Variants in RIMS2 observed in about 807,000 individuals in gnomAD.
RIMS2 encodes the protein regulating synaptic membrane exocytosis protein 2.
A neutral mutation model predicts 174.4 loss-of-function variants in RIMS2; 59 were observed. That is an observed-to-expected ratio of 0.34 (90% CI 0.27 to 0.42). The LOEUF is 0.42. RIMS2 is among the 10% of genes least tolerant of loss of function. RIMS2 has a pLI of 1.00. For synonymous variants in RIMS2, 606 were observed against 572.5 expected (o/e 1.06, Z -0.84); for missense variants, 1,620 against 1,666.3 (o/e 0.97, Z 0.48).
intron 19 of RIMS2, among the ~76,000 whole-genome samples, chr8:104,151,517 C>T (rs148793973): frequency 7.2e-5 from 11 of 151,958 alleles, no homozygotes; most frequent in African/African-American, 1.2e-4. Context: ...TACAGTGAGC[C>T]GAGATTGGCT....
At chr8:103,814,782 A>C (rs560531085) in intron 3 of RIMS2, among the ~76,000 whole-genome samples, 137 of 152,204 alleles carry the variant, frequency 9.0e-4, no homozygotes, top group African/African-American at 3.2e-3. Context: ...GGGAGGCTGA[A>C]GTGAGAGGAT....
chr8:103,518,942 A>G (rs1489693378), intron 1 of RIMS2, among the ~76,000 whole-genome samples: 1 of 152,160 alleles, frequency 6.6e-6, no homozygotes, highest in Admixed American at 6.5e-5. Context: ...AATTAATTTT[A>G]TGGCTGAAGA....
At chr8:103,877,438 T>A (rs1306332346) in intron 3 of RIMS2, among the ~76,000 whole-genome samples, 1 of 152,038 alleles carries the variant, frequency 6.6e-6, no homozygotes, top group Non-Finnish European at 1.5e-5. Flanking sequence ...CCTTGTAGAT[T>A]CTGGTTATTA....
chr8:104,035,286 C>T (rs2096491086), intron 19 of RIMS2, among the ~76,000 whole-genome samples: 1 of 151,552 alleles, frequency 6.6e-6, no homozygotes, highest in Admixed American at 6.6e-5. Context: ...GCAACTAAAC[C>T]CTTTGCTGAT....
At chr8:103,529,128 T>C (rs1056017285) in intron 1 of RIMS2, among the ~76,000 whole-genome samples, 1 of 152,228 alleles carries the variant, frequency 6.6e-6, no homozygotes, top group Non-Finnish European at 1.5e-5. Flanking sequence ...GTTGGATTCC[T>C]AGGTATTTTA....
At chr8:104,028,776 T>C (rs1565923201) in intron 19 of RIMS2, among the ~76,000 whole-genome samples, 1 of 152,206 alleles carries the variant, frequency 6.6e-6, no homozygotes. Context: ...CTAGATGTCA[T>C]AGAGGTTATC....
At chr8:104,084,735 T>C (rs561026018) in intron 19 of RIMS2, among the ~76,000 whole-genome samples, 27 of 152,300 alleles carry the variant, frequency 1.8e-4, no homozygotes, top group Admixed American at 1.2e-3. Flanking sequence ...TCATGGACTA[T>C]GCCTAGTTAA....
At chr8:104,119,373 A>C (rs13439405) in intron 19 of RIMS2, among the ~76,000 whole-genome samples, 2 of 151,426 alleles carry the variant, frequency 1.3e-5, no homozygotes, top group African/African-American at 4.9e-5. Flanking sequence ...AACAAAAAAA[A>C]CAAAAAAAAC....
At chr8:103,522,420 G>A (rs948659438) in intron 1 of RIMS2, among the ~76,000 whole-genome samples, 30 of 152,138 alleles carry the variant, frequency 2.0e-4, no homozygotes, top group Admixed American at 3.9e-4. Context: ...AAAATTATTG[G>A]TCATGTTAAA....
In RIMS2 at chr8:104,141,124, A is replaced by T. The variant is rs201796508; in HGVS notation, c.3335-103792A>T. Among the ~76,000 whole-genome samples, 3 of 78,554 alleles carry T rather than the reference A, an allele frequency of 3.8e-5. No individual in the cohort carries two copies. In the Admixed American group the frequency reaches 5.1e-4, roughly 13 times the overall value. 51.5% of individuals were successfully genotyped at this position (78,554 alleles called of 152,430 possible). ...GAGTGCAGGGACATATAACTAGCATAAAAAAAAGATACTGAAAAATTATCA... is the reference window on the plus strand; with the variant it reads ...GAGTGCAGGGACATATAACTAGCATTAAAAAAAGATACTGAAAAATTATCA... On this transcript the variant is annotated intron_variant, in intron 19 of 23. Transcript: ENST00000504942.
Position 104,063,053 on chromosome 8 carries a change from T to C in RIMS2, c.3334+48438T>C, listed in dbSNP as rs961343161. ...ACTTTTAAAAAATCAGTTAGATGTATTAAAACTATACTTTTTATATTTTGT... is the reference window on the plus strand; with the variant it reads ...ACTTTTAAAAAATCAGTTAGATGTACTAAAACTATACTTTTTATATTTTGT... On this transcript the variant is annotated intron_variant, in intron 19 of 23. Transcript: ENST00000504942. Among the ~76,000 whole-genome samples the C allele has an allele frequency of 4.6e-5, 7 of 151,994 alleles. No homozygotes were observed. The East Asian group carries it at 1.3e-3, about 29-fold the overall frequency.
intron 1 of RIMS2, among the ~76,000 whole-genome samples, chr8:103,622,929 A>G (rs1215438381): frequency 1.3e-5 from 2 of 152,246 alleles, no homozygotes; most frequent in Admixed American, 1.3e-4. Flanking sequence ...TTTATTCTGA[A>G]CAGGATGGCT....
At chr8:103,554,735 G>A (rs1343335637) in intron 1 of RIMS2, among the ~76,000 whole-genome samples, 1 of 152,150 alleles carries the variant, frequency 6.6e-6, no homozygotes, top group African/African-American at 2.4e-5. Context: ...ACACGGAGAT[G>A]TATGTCCATT....
At chr8:103,543,828 A>G (rs558987730) in intron 1 of RIMS2, among the ~76,000 whole-genome samples, 3 of 152,356 alleles carry the variant, frequency 2.0e-5, no homozygotes, top group African/African-American at 4.8e-5. Flanking sequence ...ATGTCACACC[A>G]TGTGCAAAAA....
intron 2 of RIMS2, among the ~76,000 whole-genome samples, chr8:103,722,937 C>A (rs1045413556): frequency 6.6e-6 from 1 of 152,048 alleles, no homozygotes; most frequent in Non-Finnish European, 1.5e-5. Context: ...ATGGAGAAAC[C>A]CTGTCTCTAC....
intron 19 of RIMS2, among the ~76,000 whole-genome samples, chr8:104,061,541 C>G (rs2096989664): frequency 6.6e-6 from 1 of 151,326 alleles, no homozygotes; most frequent in South Asian, 2.1e-4. Context: ...TTTCAATACC[C>G]AGTAATAATT....
At chr8:103,998,105 C>T in intron 17 of RIMS2, 1 of 1,088,872 alleles carries the variant, frequency 9.2e-7, no homozygotes, top group South Asian at 1.4e-5. Flanking sequence ...TTTAAAATCT[C>T]ACTTTTTAAA....
chr8:104,141,382 G>A (rs2098570273), intron 19 of RIMS2, among the ~76,000 whole-genome samples: 1 of 152,146 alleles, frequency 6.6e-6, no homozygotes, highest in African/African-American at 2.4e-5. Flanking sequence ...TTTGTGTTCA[G>A]TTAATAAAGG....
At chr8:103,927,936 T>G in intron 11 of RIMS2, 1 of 1,524,522 alleles carries the variant, frequency 6.6e-7, no homozygotes, top group Non-Finnish European at 8.9e-7. Flanking sequence ...TGTTTAACCC[T>G]ATTTGTATGT....
Sources: gnomAD v4.1 joint callset for allele counts (sites outside exome capture counted in the v4.1 genomes callset) on GRCh38, gnomAD v4.1.1 for gene constraint, MANE v1.5 for transcripts, NCBI Gene and HGNC (gene_info 2026-07-23, HGNC 2026-07-21) for gene names.